Variants in DNAH14 observed in about 807,000 individuals in gnomAD.
DNAH14 encodes axonemal beta dynein heavy chain 14.
DNAH14 carries 478 observed loss-of-function variants against 520.9 expected under a neutral mutation model. The observed-to-expected ratio is 0.92, with a 90% CI of 0.85 to 0.99. The LOEUF (loss-of-function observed/expected upper bound fraction) is 0.99, where lower values mean the gene tolerates loss of function less well. Ranked by LOEUF, DNAH14 falls within the 50% of genes least tolerant of loss-of-function variation. The pLI, the probability that DNAH14 is intolerant of heterozygous loss-of-function variation, is 0.00. For synonymous variants in DNAH14, 1,581 were observed against 1,757.2 expected (o/e 0.90, Z 2.51); for missense variants, 4,831 against 5,234.5 (o/e 0.92, Z 2.38).
intron 17 of DNAH14, among the ~76,000 whole-genome samples, chr1:225,075,066 A>T (rs1464716289): frequency 1.3e-5 from 2 of 152,148 alleles, no homozygotes; most frequent in East Asian, 3.9e-4. Flanking sequence ...TTCTGTGCAT[A>T]CCTGAGTGAC....
rs1298257804 is a variant in DNAH14, at chr1:225,174,282, AGAAAAAC to A, written c.5535+6255_5535+6261del. ...ATAATAAATTTTAAAAAAAGTTAAAAGAAAAACAATATGAATTCTTGCAATCCATGAA... is the reference window on the plus strand; with the variant it reads ...ATAATAAATTTTAAAAAAAGTTAAAAAATATGAATTCTTGCAATCCATGAA... On this transcript the variant is annotated intron_variant, in intron 36 of 85. Coordinates refer to ENST00000682510, the MANE Select transcript of DNAH14 (RefSeq NM_001367479.1). 3.3e-5 allele frequency among the ~76,000 whole-genome samples: 4 copies of A among 121,304 alleles called. No individual in the cohort carries two copies. In the South Asian group the frequency reaches 1.0e-3, roughly 32 times the overall value. 79.6% of individuals were successfully genotyped at this position (121,304 alleles called of 152,430 possible).
At position 225,106,843 on chromosome 1, in the gene DNAH14, G is replaced by C. The variant is rs546194052; in HGVS notation, c.3867+5959G>C. Among the ~76,000 whole-genome samples, 19 of 152,158 alleles carry C rather than the reference G, an allele frequency of 1.2e-4. No individual in the cohort carries two copies. The East Asian group carries it at 2.5e-3, about 20-fold the overall frequency. ...GGTTCTACCTTCCTCCTTTAGCTCA[G>C]AATAGTTTGATCATCTGAAACCTTC... is the stretch of plus-strand genomic sequence containing the variant. On this transcript the variant is annotated intron_variant, in intron 23 of 85. Transcript: ENST00000682510.
chr1:225,038,126 TTGA>T (rs1317899584), intron 11 of DNAH14, among the ~76,000 whole-genome samples: 2 of 152,246 alleles, frequency 1.3e-5, no homozygotes, highest in South Asian at 2.1e-4. Flanking sequence ...AGATCTGGTA[TTGA>T]TGATAAGTGT....
intron 41 of DNAH14, among the ~76,000 whole-genome samples, chr1:225,223,040 T>C (rs1466093036): frequency 6.6e-6 from 1 of 152,010 alleles, no homozygotes; most frequent in African/African-American, 2.4e-5. Context: ...ACCTCCTCCT[T>C]CTCCTTCAGC....
At chr1:225,066,284 T>C (rs1444549605) in intron 17 of DNAH14, among the ~76,000 whole-genome samples, 1 of 152,080 alleles carries the variant, frequency 6.6e-6, no homozygotes, top group Non-Finnish European at 1.5e-5. Context: ...ATTCATAGGT[T>C]GTCCCTTCAG....
intron 27 of DNAH14, among the ~76,000 whole-genome samples, chr1:225,123,887 G>T (rs1319365925): frequency 6.6e-6 from 1 of 152,038 alleles, no homozygotes; most frequent in African/African-American, 2.4e-5. Flanking sequence ...TGAGTAGCTG[G>T]GTCTACAGGT....
chr1:225,090,063 AC>A (rs2074245733), intron 21 of DNAH14, among the ~76,000 whole-genome samples: 1 of 152,210 alleles, frequency 6.6e-6, no homozygotes, highest in African/African-American at 2.4e-5. Context: ...AAAAAATCAA[AC>A]AAAATTTACA....
intron 54 of DNAH14, among the ~76,000 whole-genome samples, chr1:225,280,044 G>C (rs1352421112): frequency 6.6e-6 from 1 of 151,704 alleles, no homozygotes; most frequent in Non-Finnish European, 1.5e-5. Flanking sequence ...TAAATGAGAT[G>C]AAAACTTCAC....
intron 21 of DNAH14, among the ~76,000 whole-genome samples, chr1:225,094,465 C>CA (rs1016184241): frequency 2.0e-4 from 30 of 151,838 alleles, no homozygotes; most frequent in Admixed American, 1.9e-3. Context: ...TCAACATATA[C>CA]AAAAATCAAC....
intron 23 of DNAH14, among the ~76,000 whole-genome samples, chr1:225,108,418 A>C (rs993660131): frequency 6.6e-6 from 1 of 152,186 alleles, no homozygotes; most frequent in Non-Finnish European, 1.5e-5. Flanking sequence ...ACTCCCTTTC[A>C]TATATACATC....
At chr1:225,384,418 A>C (rs545642344) in intron 81 of DNAH14, among the ~76,000 whole-genome samples, 3 of 152,308 alleles carry the variant, frequency 2.0e-5, no homozygotes, top group Non-Finnish European at 4.4e-5. Context: ...AAAAACCTTC[A>C]AAAAATCAAT....
At chr1:225,256,900 T>A (rs917714436) in intron 44 of DNAH14, among the ~76,000 whole-genome samples, 3 of 151,634 alleles carry the variant, frequency 2.0e-5, no homozygotes, top group African/African-American at 7.3e-5. Flanking sequence ...CCATTTGCTA[T>A]TTTAAAAAAA....
At chr1:225,313,235 G>T (rs1391420192) in intron 60 of DNAH14, among the ~76,000 whole-genome samples, 1 of 152,162 alleles carries the variant, frequency 6.6e-6, no homozygotes, top group Admixed American at 6.5e-5. Context: ...TTTGTGTAGA[G>T]GTGTTTATAG....
At position 225,301,505 on chromosome 1, in the gene DNAH14, A is replaced by G. The variant is rs919500010; in HGVS notation, c.8631+475A>G. On this transcript the variant is annotated intron_variant, in intron 56 of 85. Transcript: ENST00000682510. The stretch of plus-strand genomic sequence containing the variant: ...GATAGAGCGGGTGCTATTCAGAATG[A>G]ACTCAGCAGCAGAGGAGCTGTGAAC... 2.0e-5 allele frequency among the ~76,000 whole-genome samples: 3 copies of G among 152,214 alleles called. No homozygotes were observed. In the East Asian group the frequency reaches 5.8e-4, roughly 29 times the overall value.
chr1:225,366,582 C>A (rs1461868520), intron 76 of DNAH14, among the ~76,000 whole-genome samples: 1 of 152,186 alleles, frequency 6.6e-6, no homozygotes, highest in Admixed American at 6.5e-5. Flanking sequence ...GGCTAAGCAA[C>A]AATTGCTGGC....
chr1:225,272,855 C>A, intron 51 of DNAH14, 100 bp from the exon 52 acceptor site: 10 of 1,150,108 alleles, frequency 8.7e-6, no homozygotes, highest in Non-Finnish European at 1.2e-5. Flanking sequence ...ATAATTGCTT[C>A]TATTTTTATG....
chr1:225,066,823 T>C (rs372587171), intron 17 of DNAH14, among the ~76,000 whole-genome samples: 3 of 152,110 alleles, frequency 2.0e-5, no homozygotes, highest in East Asian at 3.9e-4. Context: ...GCAAAAGACA[T>C]TATTTTGCTG....
chr1:224,985,684 A>T (rs143503095), intron 8 of DNAH14, among the ~76,000 whole-genome samples: 15 of 151,264 alleles, frequency 9.9e-5, no homozygotes, highest in African/African-American at 3.4e-4. Context: ...AGAAGGAATT[A>T]AGCAACCAGA....
At chr1:224,949,877 ATCTGATATCTCC>A (rs550342869) in intron 1 of DNAH14, among the ~76,000 whole-genome samples, 67 of 152,302 alleles carry the variant, frequency 4.4e-4, no homozygotes, top group Non-Finnish European at 6.9e-4. Flanking sequence ...TTTACCTTTT[ATCTGATATCTCC>A]TACTCCCAGA....
Sources: gnomAD v4.1 joint callset for allele counts (sites outside exome capture counted in the v4.1 genomes callset) on GRCh38, gnomAD v4.1.1 for gene constraint, MANE v1.5 for transcripts, NCBI Gene and HGNC (gene_info 2026-07-23, HGNC 2026-07-21) for gene names.